CSNK1G2: variants seen among roughly 807,000 people sequenced by gnomAD.
CSNK1G2 encodes the protein casein kinase I isoform gamma-2.
A neutral mutation model predicts 48.0 loss-of-function variants in CSNK1G2; 11 were observed. The ratio of observed to expected loss-of-function variants is 0.23; its 90% CI spans 0.14 to 0.38. The LOEUF (loss-of-function observed/expected upper bound fraction) is 0.38, where lower values mean the gene tolerates loss of function less well. Among genes scored for constraint, CSNK1G2 ranks in the 10% least tolerant of loss-of-function variants. The probability of loss-of-function intolerance (pLI) is 1.00; values close to 1 mark genes in which losing one functional copy is unlikely to be tolerated. For missense variants in CSNK1G2, 446 were observed against 595.5 expected (o/e 0.75, Z 2.61); for synonymous variants, 337 against 254.1 (o/e 1.33, Z -3.10).
At chr19:1,972,484 G>A (rs2015606475) in intron 2 of CSNK1G2, among the ~76,000 whole-genome samples, 2 of 152,264 alleles carry the variant, frequency 1.3e-5, no homozygotes, top group South Asian at 2.1e-4. Flanking sequence ...GCTCTCCTTA[G>A]ATGAGGCTTT....
chr19:1,948,005 A>C (rs1015714479), intron 1 of CSNK1G2, among the ~76,000 whole-genome samples: 4 of 152,136 alleles, frequency 2.6e-5, no homozygotes, highest in Admixed American at 6.5e-5. Context: ...GTGGGCGCAC[A>C]GCCCCGGTTC....
At chr19:1,967,123 G>A (rs1313268361) in intron 1 of CSNK1G2, among the ~76,000 whole-genome samples, 1 of 152,162 alleles carries the variant, frequency 6.6e-6, no homozygotes, top group African/African-American at 2.4e-5. Context: ...TGTGTGCACT[G>A]GGAAACCAGA....
At chr19:1,969,219 C>T (rs1352635800) in intron 1 of CSNK1G2, among the ~76,000 whole-genome samples, 2 of 149,350 alleles carry the variant, frequency 1.3e-5, no homozygotes, top group African/African-American at 2.5e-5. Flanking sequence ...CACTCTCCCA[C>T]CTGTGCCACC....
At chr19:1,969,441 G>A (rs774293645) in intron 1 of CSNK1G2, 67 bp from the exon 2 acceptor site, 4 of 191,500 alleles carry the variant, frequency 2.1e-5, no homozygotes, top group African/African-American at 2.3e-5. Flanking sequence ...TGTGGCCTCC[G>A]CCCCGTGTCC....
intron 1 of CSNK1G2, chr19:1,953,065 G>T: frequency 2.5e-6 from 1 of 396,528 alleles, no homozygotes. Flanking sequence ...GGTTTTCCAC[G>T]GCCGTTCATG....
In CSNK1G2 at chr19:1,978,924, C is replaced by T; in HGVS notation, c.513C>T (p.Phe171=). 1 of 1,602,526 alleles carries T rather than the reference C, an allele frequency of 6.2e-7. No homozygotes were observed. The highest frequency in any genetic ancestry group is 1.1e-5 in the South Asian group (1 of 91,084). The change falls in exon 6 of 12, where the codon TTC becomes TTT. Residue 171 remains phenylalanine, a synonymous_variant. Transcript: ENST00000255641. This position sits in a 1 kb window ranked among gnomAD's most constrained non-coding sequence, Gnocchi z 7.3. Reference sequence around the variant, plus strand: ...ACCGGGACGTGAAGCCCGAGAACTTCCTGGTGGGCCGCCCGGGGACCAAGC... The same window carrying T: ...ACCGGGACGTGAAGCCCGAGAACTTTCTGGTGGGCCGCCCGGGGACCAAGC... ...LIYRDVKPEN[F]LVGRPGTKRQ...
At chr19:1,953,818 C>T (rs1174504707) in intron 1 of CSNK1G2, 1 of 525,134 alleles carries the variant, frequency 1.9e-6, no homozygotes, top group East Asian at 5.5e-5. Context: ...ACCGCGATCA[C>T]CTGTGGCCCT....
At chr19:1,944,150 G>A (rs996691403) in intron 1 of CSNK1G2, among the ~76,000 whole-genome samples, 22 of 152,138 alleles carry the variant, frequency 1.4e-4, no homozygotes, top group African/African-American at 1.7e-4. Flanking sequence ...CTCGGTGGCC[G>A]TGCGCGTGTT....
intron 1 of CSNK1G2, among the ~76,000 whole-genome samples, chr19:1,967,567 G>A (rs2015403204): frequency 6.6e-6 from 1 of 152,130 alleles, no homozygotes; most frequent in Non-Finnish European, 1.5e-5. Context: ...CTCCTGGGCG[G>A]GTACCTGGCT....
rs1489264774 is a variant in CSNK1G2 at position 1,980,161 on chromosome 19, C to A, written c.1206C>A (p.Phe402Leu). ...EVADETKCCC[F>L]FKRRKRKSLQ... ...CTGCCCTCCTCAGATGCTGCTGTTT[C>A]TTCAAGAGGAGAAAGAGAAAATCGC... The change falls in exon 12 of 12, where the codon TTC becomes TTA. Residue 402 changes from phenylalanine (F) to leucine (L), a missense_variant. Phe to Leu is a conservative substitution (Grantham distance 22). Coordinates refer to ENST00000255641, the MANE Select transcript of CSNK1G2 (RefSeq NM_001319.7). The A allele has an allele frequency of 6.2e-7, 1 of 1,613,004 alleles. No individual in the cohort carries two copies. The highest frequency in any genetic ancestry group is 8.5e-7 in the Non-Finnish European group (1 of 1,179,880).
intron 1 of CSNK1G2, among the ~76,000 whole-genome samples, chr19:1,945,683 G>A (rs1030188591): frequency 1.2e-3 from 190 of 152,298 alleles, no homozygotes; most frequent in African/African-American, 4.2e-3. Flanking sequence ...TTAGCCGGGC[G>A]TGGTGGCGTG....
intron 1 of CSNK1G2, among the ~76,000 whole-genome samples, chr19:1,965,592 C>G (rs2015341635): frequency 6.6e-6 from 1 of 152,088 alleles, no homozygotes. Flanking sequence ...CCTCCACCTC[C>G]CGGGTTGAAG....
intron 2 of CSNK1G2, among the ~76,000 whole-genome samples, chr19:1,974,347 C>T (rs558125112): frequency 7.9e-5 from 12 of 152,274 alleles, no homozygotes; most frequent in African/African-American, 2.6e-4. Context: ...GGGCTGGATT[C>T]GCCCTTTAGT....
chr19:1,953,026 A>G, intron 1 of CSNK1G2: 1 of 405,310 alleles, frequency 2.5e-6, no homozygotes, highest in South Asian at 1.9e-5. Flanking sequence ...AAAAAAAAAC[A>G]AAGGAAATGT....
chr19:1,978,717 G>T lies in CSNK1G2; in HGVS notation c.414G>T (p.Thr138=), dbSNP rs763022658. ...TCGACCTGTGCGACCGGACCTTCAC[G>T]CTCAAGACGGTGCTGATGATCGCCA... ...DLFDLCDRTF[T]LKTVLMIAIQ... Residue 138 remains threonine, a synonymous_variant, in exon 5 of 12, where the codon ACG becomes ACT. Coordinates refer to ENST00000255641, the MANE Select transcript of CSNK1G2 (RefSeq NM_001319.7). The surrounding 1 kb of genome is among the most constrained non-coding windows in gnomAD (Gnocchi z 7.3). 2 of 1,599,242 alleles carry T rather than the reference G, an allele frequency of 1.3e-6. No homozygotes were observed. The highest frequency in any genetic ancestry group is 8.5e-7 in the Non-Finnish European group (1 of 1,173,174).
intron 1 of CSNK1G2, among the ~76,000 whole-genome samples, chr19:1,961,014 G>A (rs1002050674): frequency 4.6e-5 from 7 of 152,232 alleles, no homozygotes; most frequent in Admixed American, 3.9e-4. Context: ...GGTGTGCGGC[G>A]GGGCGTGGGC....
intron 2 of CSNK1G2, among the ~76,000 whole-genome samples, chr19:1,971,064 C>T (rs1222324092): frequency 6.6e-6 from 1 of 152,226 alleles, no homozygotes. Context: ...TGCTTCCCAC[C>T]TCCTGCCTCA....
chr19:1,979,481 C>T lies in CSNK1G2; in HGVS notation c.854-14C>T, dbSNP rs376859221. On this transcript the variant is annotated splice_polypyrimidine_tract_variant and intron_variant, in intron 8 of 11. Coordinates refer to ENST00000255641, the MANE Select transcript of CSNK1G2 (RefSeq NM_001319.7). ...CCCACCCCCGCCGAGGCCCCGCTGGCGCTCTCTCTGCAGAGGAGATGGCCA... is the reference window on the plus strand; with the variant it reads ...CCCACCCCCGCCGAGGCCCCGCTGGTGCTCTCTCTGCAGAGGAGATGGCCA... The T allele has an allele frequency of 1.3e-4, 205 of 1,539,728 alleles. No individual in the cohort carries two copies. Among genetic ancestry groups the T allele is most frequent in the Middle Eastern group, 2.4e-4 (1 of 4,222 alleles).
intron 1 of CSNK1G2, among the ~76,000 whole-genome samples, chr19:1,943,910 C>T (rs1436855325): frequency 1.3e-5 from 2 of 152,208 alleles, no homozygotes; most frequent in Non-Finnish European, 2.9e-5. Context: ...GGAGGCAGCG[C>T]TGTGGGTGCT....
Sources: allele counts gnomAD v4.1 joint callset (sites outside exome capture counted in the v4.1 genomes callset), GRCh38; gene constraint gnomAD v4.1.1; non-coding constraint Gnocchi (gnomAD v3.1); transcripts MANE v1.5; gene names NCBI Gene and HGNC (gene_info 2026-07-23, HGNC 2026-07-21).